The following MYO3A variants were observed in gnomAD, a reference collection of about 807,000 sequenced individuals.
MYO3A encodes the protein myosin IIIA, also known as myosin-IIIa.
MYO3A carries 180 observed loss-of-function variants against 192.7 expected under a neutral mutation model. The ratio of observed to expected loss-of-function variants is 0.93; its 90% CI spans 0.83 to 1.06. The LOEUF is 1.06. Ranked by LOEUF, MYO3A falls within the 50% of genes least tolerant of loss-of-function variation. The pLI is 0.00. For missense variants in MYO3A, 1,896 were observed against 1,905.0 expected (o/e 1.00, Z 0.09); for synonymous variants, 628 against 645.3 (o/e 0.97, Z 0.41).
At chr10:26,153,970 C>G in intron 24 of MYO3A, 41 bp downstream of exon 24, 1 of 1,379,170 alleles carries the variant, frequency 7.3e-7, no homozygotes, top group South Asian at 1.2e-5. Context: ...GTCTAAGAAT[C>G]TAACCGGTAT....
At chr10:26,095,092 G>A (rs1836934789) in intron 15 of MYO3A, among the ~76,000 whole-genome samples, 2 of 152,172 alleles carry the variant, frequency 1.3e-5, no homozygotes, top group Non-Finnish European at 2.9e-5. Flanking sequence ...ATGAGTTGAG[G>A]ACCCAGAGCA....
intron 4 of MYO3A, among the ~76,000 whole-genome samples, chr10:25,981,681 T>C (rs1002498274): frequency 2.6e-5 from 4 of 152,314 alleles, no homozygotes; most frequent in Admixed American, 2.6e-4. Flanking sequence ...GAAAAGATGG[T>C]CAATGTTATT....
chr10:25,994,034 T>C (rs1263736314), intron 4 of MYO3A, among the ~76,000 whole-genome samples: 1 of 152,214 alleles, frequency 6.6e-6, no homozygotes, highest in Non-Finnish European at 1.5e-5. Context: ...TAGGTCCTCT[T>C]GGTGCAGAGC....
intron 20 of MYO3A, among the ~76,000 whole-genome samples, chr10:26,138,338 A>ATATTC (rs1839968955): frequency 6.6e-6 from 1 of 152,232 alleles, no homozygotes; most frequent in African/African-American, 2.4e-5. Context: ...GGTTCCCCCG[A>ATATTC]TAGTTCACCA....
Position 26,149,164 on chromosome 10 carries a change from C to CT in MYO3A, c.2635+1615dup, listed in dbSNP as rs201456130. Among the ~76,000 whole-genome samples, 132 of 147,286 alleles carry CT rather than the reference C, an allele frequency of 9.0e-4. 2 individuals are homozygous for CT. The highest frequency in any genetic ancestry group is 3.2e-3 in the African/African-American group (127 of 40,264). ...AAGCCCTTTATCAGGGGAGAAGTTA[C>CT]TTTTTTTTTTAATTCCTAATTTCCT... On this transcript the variant is annotated intron_variant, in intron 23 of 34. Transcript: ENST00000642920.
chr10:26,164,414 A>C (rs915262032), intron 26 of MYO3A, among the ~76,000 whole-genome samples: 1 of 152,142 alleles, frequency 6.6e-6, no homozygotes, highest in Non-Finnish European at 1.5e-5. Flanking sequence ...GATAGTGAAC[A>C]AATGAATTTT....
intron 6 of MYO3A, among the ~76,000 whole-genome samples, chr10:26,013,639 GA>G (rs1841808080): frequency 6.6e-6 from 1 of 152,124 alleles, no homozygotes; most frequent in Non-Finnish European, 1.5e-5. Context: ...GGGATATGGG[GA>G]AAAGGGAATA....
intron 17 of MYO3A, among the ~76,000 whole-genome samples, chr10:26,100,740 A>G (rs1366321026): frequency 1.3e-5 from 2 of 152,260 alleles, no homozygotes; most frequent in Non-Finnish European, 2.9e-5. Flanking sequence ...TTCTAGTTTG[A>G]TTGCACTGTG....
intron 4 of MYO3A, among the ~76,000 whole-genome samples, chr10:25,964,453 C>A (rs2130676130): frequency 6.6e-6 from 1 of 152,264 alleles, no homozygotes. Context: ...CATATACAAA[C>A]AAACAAGCAA....
At chr10:25,986,819 A>G (rs1310062753) in intron 4 of MYO3A, among the ~76,000 whole-genome samples, 2 of 152,214 alleles carry the variant, frequency 1.3e-5, no homozygotes, top group East Asian at 1.9e-4. Context: ...TGCAATTTCC[A>G]TCAAAATACC....
intron 17 of MYO3A, among the ~76,000 whole-genome samples, chr10:26,118,141 T>C (rs1180366345): frequency 6.6e-6 from 1 of 151,762 alleles, no homozygotes; most frequent in Non-Finnish European, 1.5e-5. Flanking sequence ...GTATGTCTTC[T>C]TTTGAGAAGT....
rs1834801501 is a variant in MYO3A at position 26,065,818 on chromosome 10, T to A, written c.954-1157T>A. On this transcript the variant is annotated intron_variant, in intron 10 of 34. Transcript: ENST00000642920. ...TGAGAGAGGACAGAAGCTATTATAG[T>A]ATACAAAAAGAGCAGTGGGCCGGGC... 1.3e-5 allele frequency among the ~76,000 whole-genome samples: 2 copies of A among 151,398 alleles called. 1 individual carries two copies. Among genetic ancestry groups the A allele is most frequent in the South Asian group, 4.2e-4 (2 of 4,786 alleles).
chr10:25,986,553 A>G (rs1366390984), intron 4 of MYO3A, among the ~76,000 whole-genome samples: 1 of 152,220 alleles, frequency 6.6e-6, no homozygotes, highest in Non-Finnish European at 1.5e-5. Flanking sequence ...GCTCTGCTAT[A>G]TGCCAACAGC....
At chr10:26,005,656 C>T (rs561317437) in intron 6 of MYO3A, among the ~76,000 whole-genome samples, 40 of 152,104 alleles carry the variant, frequency 2.6e-4, no homozygotes, top group Non-Finnish European at 4.7e-4. Flanking sequence ...TTCTTGCCAA[C>T]TTTTCTCTAA....
intron 10 of MYO3A, among the ~76,000 whole-genome samples, chr10:26,051,151 T>G (rs1042562968): frequency 2.0e-5 from 3 of 152,194 alleles, no homozygotes; most frequent in African/African-American, 7.2e-5. Context: ...ATATTCTATT[T>G]ATATATAAGC....
chr10:26,143,309 C>A, intron 20 of MYO3A, 139 bp from the exon 21 acceptor site: 1 of 829,284 alleles, frequency 1.2e-6, no homozygotes, highest in Non-Finnish European at 1.9e-6. Flanking sequence ...CCAGCCTGGA[C>A]GACAGAGCGA....
intron 31 of MYO3A, among the ~76,000 whole-genome samples, chr10:26,191,323 G>A (rs960239205): frequency 9.2e-5 from 14 of 152,120 alleles, no homozygotes; most frequent in African/African-American, 2.2e-4. Context: ...ATCTTTCCTC[G>A]TGCCTGTGAC....
chr10:26,093,048 T>C (rs1246624326), intron 15 of MYO3A, among the ~76,000 whole-genome samples: 1 of 152,238 alleles, frequency 6.6e-6, no homozygotes, highest in African/African-American at 2.4e-5. Context: ...ATTGTTTGTC[T>C]AAGTTTTAAC....
chr10:25,988,308 TA>T (rs1839781835), intron 4 of MYO3A, among the ~76,000 whole-genome samples: 1 of 152,236 alleles, frequency 6.6e-6, no homozygotes, highest in South Asian at 2.1e-4. Flanking sequence ...AAATCACCAC[TA>T]AAGAACTTAT....
Sources: gnomAD v4.1 joint callset for allele counts (sites outside exome capture counted in the v4.1 genomes callset) on GRCh38, gnomAD v4.1.1 for gene constraint, MANE v1.5 for transcripts, NCBI Gene and HGNC (gene_info 2026-07-23, HGNC 2026-07-21) for gene names.